The following XKR9 variants were observed in gnomAD, a reference collection of about 807,000 sequenced individuals.
The protein encoded by XKR9 is XK related 9, also known as XK-related protein 9.
A neutral mutation model predicts 32.0 loss-of-function variants in XKR9; 32 were observed. The observed-to-expected ratio is 1.00, with a 90% confidence interval of 0.76 to 1.34. The LOEUF is 1.34. Among genes scored for constraint, XKR9 ranks in the 40% most tolerant of loss-of-function variants. The pLI, the probability that XKR9 is intolerant of heterozygous loss-of-function variation, is 0.00. For missense variants in XKR9, 546 were observed against 429.7 expected (o/e 1.27, Z -2.39); for synonymous variants, 168 against 143.4 (o/e 1.17, Z -1.22).
chr8:70,776,081 A>G (rs1807516114), intron 2 of XKR9, among the ~76,000 whole-genome samples: 1 of 151,976 alleles, frequency 6.6e-6, no homozygotes, highest in African/African-American at 2.4e-5. Context: ...TTTGCCTCAT[A>G]TTGGTATTGG....
the XKR9 span, among the ~76,000 whole-genome samples, chr8:70,985,154 G>C: frequency 4.6e-5 from 7 of 152,176 alleles, no homozygotes. Context: ...TTGATATGTT[G>C]TGGGAGGAAA....
At chr8:70,696,102 G>A (rs943628897) in intron 3 of XKR9, among the ~76,000 whole-genome samples, 1 of 151,314 alleles carries the variant, frequency 6.6e-6, no homozygotes, top group Non-Finnish European at 1.5e-5. Flanking sequence ...AGATGAGTAG[G>A]TTGCAAAAAT....
At chr8:70,740,873 C>T (rs541785335), downstream of XKR9, among the ~76,000 whole-genome samples, 285 of 152,300 alleles carry the variant, frequency 1.9e-3, no homozygotes, top group African/African-American at 6.7e-3. Context: ...TCAGTCTGCC[C>T]CTCCTGGGGG....
chr8:71,019,987 G>A, the XKR9 span, among the ~76,000 whole-genome samples: 7 of 152,286 alleles, frequency 4.6e-5, no homozygotes, highest in African/African-American at 1.7e-4. Context: ...TTTATGATAT[G>A]TGCTTAGGAA....
At chr8:71,049,339 C>G in the XKR9 span, among the ~76,000 whole-genome samples, 1 of 152,186 alleles carries the variant, frequency 6.6e-6, no homozygotes, top group African/African-American at 2.4e-5. Context: ...TGAATGCACA[C>G]ACACACATAT....
intron 2 of XKR9, among the ~76,000 whole-genome samples, chr8:70,776,961 A>ATATATATATATGTATG (rs796746390): frequency 2.3e-5 from 2 of 88,074 alleles, no homozygotes; most frequent in Non-Finnish European, 5.0e-5. Flanking sequence ...ATATATATAT[A>ATATATATATATGTATG]TATGTATGTA....
chr8:70,738,569 C>G (rs566983376), downstream of XKR9, among the ~76,000 whole-genome samples: 6 of 151,134 alleles, frequency 4.0e-5, no homozygotes, highest in South Asian at 1.3e-3. Context: ...GTTAGGGTGT[C>G]AATTTTTGAT....
At chr8:70,779,931 G>GT (rs1247875314) in intron 2 of XKR9, among the ~76,000 whole-genome samples, 14 of 151,580 alleles carry the variant, frequency 9.2e-5, no homozygotes, top group Middle Eastern at 3.4e-3. Context: ...TTTTTTGAAG[G>GT]TTTTTTTTGT....
At chr8:70,815,414 CA>C in the XKR9 span, among the ~76,000 whole-genome samples, 1 of 152,144 alleles carries the variant, frequency 6.6e-6, no homozygotes, top group African/African-American at 2.4e-5. Context: ...CAAGTGAGAA[CA>C]TGTGGTATTT....
At chr8:70,695,921 A>G (rs1470782477) in intron 3 of XKR9, among the ~76,000 whole-genome samples, 1 of 151,684 alleles carries the variant, frequency 6.6e-6, no homozygotes, top group Non-Finnish European at 1.5e-5. Context: ...CATTTCTCTG[A>G]TGGCCAGTGA....
chr8:70,943,112 G>T, the XKR9 span, among the ~76,000 whole-genome samples: 1 of 152,166 alleles, frequency 6.6e-6, no homozygotes, highest in Non-Finnish European at 1.5e-5. Flanking sequence ...TTGGAACTAG[G>T]ATAAAGTTTT....
At chr8:70,679,627 A>G (rs1365331922) in intron 2 of XKR9, among the ~76,000 whole-genome samples, 3 of 152,206 alleles carry the variant, frequency 2.0e-5, no homozygotes, top group Non-Finnish European at 4.4e-5. Flanking sequence ...AATCTAGCAT[A>G]GAAGATGTTT....
the XKR9 span, among the ~76,000 whole-genome samples, chr8:70,927,598 C>T: frequency 3.9e-5 from 6 of 152,194 alleles, no homozygotes; most frequent in East Asian, 9.7e-4. Flanking sequence ...CCTCACATGG[C>T]AGAAGGCATG....
At chr8:70,918,366 A>G in the XKR9 span, among the ~76,000 whole-genome samples, 1 of 152,280 alleles carries the variant, frequency 6.6e-6, no homozygotes, top group Non-Finnish European at 1.5e-5. Context: ...TCAGAAGGAG[A>G]GCTTCTGTTT....
downstream of XKR9, among the ~76,000 whole-genome samples, chr8:70,790,568 G>T (rs866959084): frequency 6.6e-5 from 10 of 152,112 alleles, no homozygotes; most frequent in African/African-American, 2.2e-4. Context: ...CATGCAGCAG[G>T]GTTCCAATGT....
At chr8:70,687,558 T>TG (rs1010209215) in intron 3 of XKR9, among the ~76,000 whole-genome samples, 1 of 151,794 alleles carries the variant, frequency 6.6e-6, no homozygotes, top group Non-Finnish European at 1.5e-5. Flanking sequence ...TTTGTACAGA[T>TG]GGGGCCTCAG....
chr8:70,848,711 A>T, the XKR9 span, among the ~76,000 whole-genome samples: 1 of 150,836 alleles, frequency 6.6e-6, no homozygotes, highest in Non-Finnish European at 1.5e-5. Context: ...GCAAAGACAC[A>T]TGTAGGCTCA....
At chr8:70,953,551 A>T in the XKR9 span, among the ~76,000 whole-genome samples, 1 of 152,096 alleles carries the variant, frequency 6.6e-6, no homozygotes, top group African/African-American at 2.4e-5. Context: ...GGTTCAAGCA[A>T]TCCTCCTGCC....
At chr8:70,675,532 T>A (rs1405949149) in intron 2 of XKR9, among the ~76,000 whole-genome samples, 2 of 152,250 alleles carry the variant, frequency 1.3e-5, no homozygotes, top group Non-Finnish European at 2.9e-5. Flanking sequence ...TAAATTCAAA[T>A]TTTCAGTCAT....
Sources: gnomAD v4.1 joint callset for allele counts (sites outside exome capture counted in the v4.1 genomes callset) on GRCh38, gnomAD v4.1.1 for gene constraint, MANE v1.5 for transcripts, NCBI Gene and HGNC (gene_info 2026-07-23, HGNC 2026-07-21) for gene names.